Variants in DLGAP2 observed in about 807,000 individuals in gnomAD.
DLGAP2 encodes DLG associated protein 2.
DLGAP2 carries 26 observed loss-of-function variants against 100.3 expected under a neutral mutation model. The ratio of observed to expected loss-of-function variants is 0.26; its 90% CI spans 0.19 to 0.36. The LOEUF (loss-of-function observed/expected upper bound fraction) is 0.36. Ranked by LOEUF, DLGAP2 falls within the 10% of genes least tolerant of loss-of-function variation. The pLI, the probability that DLGAP2 is intolerant of heterozygous loss-of-function variation, is 1.00. For missense variants in DLGAP2, 1,858 were observed against 1,453.2 expected, an observed-to-expected ratio of 1.28 and a Z score of -4.53; for synonymous variants, 886 against 630.1, an observed-to-expected ratio of 1.41 and a Z score of -6.08.
chr8:1,010,117 C>G, intron 2 of DLGAP2, among the ~76,000 whole-genome samples: 1 of 152,348 alleles, frequency 6.6e-6, no homozygotes, highest in Non-Finnish European at 1.5e-5. Context: ...TTTAAAATAT[C>G]TTAATTAATC....
At chr8:1,285,388 T>C (rs953679858) in intron 3 of DLGAP2, among the ~76,000 whole-genome samples, 2 of 152,232 alleles carry the variant, frequency 1.3e-5, no homozygotes, top group African/African-American at 4.8e-5. Context: ...AAAAAGACAC[T>C]AACAAATGAA....
chr8:836,302 T>G (rs1796874535), intron 1 of DLGAP2, among the ~76,000 whole-genome samples: 1 of 152,192 alleles, frequency 6.6e-6, no homozygotes, highest in African/African-American at 2.4e-5. Context: ...GAGTAGACGC[T>G]GTGCAGCCAT....
intron 3 of DLGAP2, among the ~76,000 whole-genome samples, chr8:1,485,493 A>C (rs554429911): frequency 2.2e-4 from 33 of 152,382 alleles, no homozygotes; most frequent in African/African-American, 7.0e-4. Context: ...GACTCGCTGG[A>C]TGCAGATTTT....
At chr8:1,001,290 C>T (rs1005041974) in intron 2 of DLGAP2, among the ~76,000 whole-genome samples, 8 of 152,192 alleles carry the variant, frequency 5.3e-5, no homozygotes, top group Admixed American at 5.2e-4. Flanking sequence ...AGCCTGAGAA[C>T]TTGACATCAT....
At chr8:1,559,236 C>T (rs1802077948) in intron 5 of DLGAP2, among the ~76,000 whole-genome samples, 1 of 152,160 alleles carries the variant, frequency 6.6e-6, no homozygotes, top group Non-Finnish European at 1.5e-5. Context: ...ACTGGATTTG[C>T]AGAGTCTGGT....
chr8:1,207,163 T>C (rs1798014084), intron 2 of DLGAP2, among the ~76,000 whole-genome samples: 1 of 152,212 alleles, frequency 6.6e-6, no homozygotes, highest in South Asian at 2.1e-4. Flanking sequence ...TGAGTGGTGA[T>C]TTCTGAGATT....
intron 2 of DLGAP2, among the ~76,000 whole-genome samples, chr8:1,120,787 C>G (rs757059478): frequency 1.3e-5 from 2 of 152,004 alleles, no homozygotes; most frequent in African/African-American, 2.4e-5. Context: ...TAGTCCCATC[C>G]TAGTCCCTTC....
chr8:1,444,445 C>G (rs1319196684), intron 3 of DLGAP2, among the ~76,000 whole-genome samples: 2 of 152,166 alleles, frequency 1.3e-5, no homozygotes, highest in African/African-American at 4.8e-5. Flanking sequence ...TATTTAAGGC[C>G]TTCCCTAACC....
intron 2 of DLGAP2, among the ~76,000 whole-genome samples, chr8:1,191,211 A>G (rs12543272): frequency 0.23 from 33,690 of 143,692 alleles, 4,840 homozygotes; most frequent in Non-Finnish European, 0.34. Flanking sequence ...TCACTCTGTC[A>G]CCCAGGCTGG....
chr8:1,112,454 A>G (rs528524621), intron 2 of DLGAP2, among the ~76,000 whole-genome samples: 1 of 152,056 alleles, frequency 6.6e-6, no homozygotes, highest in East Asian at 1.9e-4. Context: ...GTTAGCCAGG[A>G]TGGTCTCGAT....
chr8:1,674,392 G>T (rs1798761427), intron 10 of DLGAP2, among the ~76,000 whole-genome samples: 1 of 152,148 alleles, frequency 6.6e-6, no homozygotes, highest in Non-Finnish European at 1.5e-5. Flanking sequence ...AGTAAATCAT[G>T]ACTTACTGCA....
intron 2 of DLGAP2, among the ~76,000 whole-genome samples, chr8:1,037,038 G>T (rs925877032): frequency 2.6e-5 from 4 of 152,120 alleles, no homozygotes; most frequent in Non-Finnish European, 5.9e-5. Flanking sequence ...CTGTTCTGCT[G>T]GCCAGATGGA....
chr8:1,039,762 C>T (rs1257070824), intron 2 of DLGAP2, among the ~76,000 whole-genome samples: 1 of 138,452 alleles, frequency 7.2e-6, no homozygotes, highest in Non-Finnish European at 1.5e-5. Flanking sequence ...GTAGTCGGCT[C>T]GGTGTGTGTG....
Position 887,215 on chromosome 8 carries a change from A to G in DLGAP2, c.19-20697A>G, listed in dbSNP as rs1797940721. Reference sequence around the variant, plus strand: ...CCCCTGCTTTTTTTTTTTGCTTTCCATTTGCTTGGTAAATATTCCTCCATC... The same window carrying G: ...CCCCTGCTTTTTTTTTTTGCTTTCCGTTTGCTTGGTAAATATTCCTCCATC... On this transcript the variant is annotated intron_variant, in intron 1 of 14. Coordinates refer to ENST00000637795, the MANE Select transcript of DLGAP2 (RefSeq NM_001346810.2). 2.7e-5 allele frequency among the ~76,000 whole-genome samples: 4 copies of G among 148,430 alleles called. No homozygotes were observed. The South Asian group carries it at 8.5e-4, about 32-fold the overall frequency.
At chr8:980,185 G>T (rs369453952) in intron 2 of DLGAP2, among the ~76,000 whole-genome samples, 1 of 152,192 alleles carries the variant, frequency 6.6e-6, no homozygotes, top group Non-Finnish European at 1.5e-5. Flanking sequence ...AGGGATTCAG[G>T]CCAGACTTTG....
At chr8:1,599,642 C>CT (rs1796563753) in intron 6 of DLGAP2, among the ~76,000 whole-genome samples, 1 of 152,134 alleles carries the variant, frequency 6.6e-6, no homozygotes, top group Admixed American at 6.5e-5. Context: ...TCTTCTTTGT[C>CT]TTTTTAGATC....
chr8:1,062,714 T>A lies in DLGAP2; in HGVS notation c.73+154748T>A, dbSNP rs950253695. On this transcript the variant is annotated intron_variant, in intron 2 of 14. Transcript: ENST00000637795. ...AAAGCACTCATCTCTTGATAGTCGT[T>A]GTGATAGCAGCTGGGGGTAGTTGGG... 2.6e-5 allele frequency among the ~76,000 whole-genome samples: 4 copies of A among 152,242 alleles called. No individual in the cohort carries two copies. In the East Asian group the frequency reaches 7.7e-4, roughly 29 times the overall value.
rs901681577 is a variant in DLGAP2, at chr8:1,210,955, C to T, written c.74-47896C>T. On this transcript the variant is annotated intron_variant, in intron 2 of 14. Transcript: ENST00000637795. ...AATCAATGCCATTTTCCATTAGGTT[C>T]AAGGACAGATCCTCCCCAACGTCCA... Among the ~76,000 whole-genome samples the T allele has an allele frequency of 5.9e-5, 9 of 152,184 alleles. No homozygotes were observed. The East Asian group carries it at 1.5e-3, about 26-fold the overall frequency.
intron 3 of DLGAP2, among the ~76,000 whole-genome samples, chr8:1,340,124 A>G (rs1037868328): frequency 9.2e-5 from 14 of 152,342 alleles, no homozygotes; most frequent in African/African-American, 3.1e-4. Flanking sequence ...ACCCAAAACT[A>G]TAAAAATCCC....
Sources: gnomAD v4.1 joint callset for allele counts (sites outside exome capture counted in the v4.1 genomes callset) on GRCh38, gnomAD v4.1.1 for gene constraint, MANE v1.5 for transcripts, NCBI Gene and HGNC (gene_info 2026-07-23, HGNC 2026-07-21) for gene names.